The following TRPM2 variants were observed in gnomAD, a reference collection of about 807,000 sequenced individuals.
The protein encoded by TRPM2 is estrogen-responsive element-associated gene 1 protein.
Under a neutral mutation model 174.0 loss-of-function variants are expected in TRPM2, and 161 were observed. The ratio of observed to expected loss-of-function variants is 0.93; its 90% CI spans 0.81 to 1.05. The LOEUF (loss-of-function observed/expected upper bound fraction) is 1.05. Ranked by LOEUF, TRPM2 falls within the 50% of genes least tolerant of loss-of-function variation. TRPM2 has a pLI of 0.00. For synonymous variants in TRPM2, 954 were observed against 861.3 expected, an observed-to-expected ratio of 1.11 and a Z score of -1.88; for missense variants, 2,057 against 2,038.0, an observed-to-expected ratio of 1.01 and a Z score of -0.18.
At chr21:44,352,472 G>C (rs2123001688), upstream of TRPM2, among the ~76,000 whole-genome samples, 3 of 152,356 alleles carry the variant, frequency 2.0e-5, no homozygotes, top group Non-Finnish European at 4.4e-5. Flanking sequence ...ATGAGGGGAC[G>C]GCAGAGCAAA....
intron 12 of TRPM2, among the ~76,000 whole-genome samples, chr21:44,397,501 G>A (rs1346607428): frequency 1.3e-5 from 2 of 152,182 alleles, no homozygotes; most frequent in Admixed American, 6.5e-5. Context: ...CGTGCTGTCC[G>A]TCAGGCTTTG....
intron 9 of TRPM2, among the ~76,000 whole-genome samples, chr21:44,384,100 A>G (rs976864082): frequency 1.3e-5 from 2 of 152,234 alleles, no homozygotes; most frequent in Admixed American, 6.5e-5. Context: ...AAATTGACAC[A>G]CATTTAGCTA....
At chr21:44,352,655 T>G (rs1302125338), upstream of TRPM2, among the ~76,000 whole-genome samples, 1 of 152,174 alleles carries the variant, frequency 6.6e-6, no homozygotes, top group African/African-American at 2.4e-5. Context: ...ATGAGAACAC[T>G]GTGGGTGTCA....
chr21:44,421,109 G>A (rs2050532417), intron 22 of TRPM2, among the ~76,000 whole-genome samples: 1 of 152,100 alleles, frequency 6.6e-6, no homozygotes, highest in Non-Finnish European at 1.5e-5. Context: ...CACAAGGTTA[G>A]GAGATCAAGA....
intron 27 of TRPM2, among the ~76,000 whole-genome samples, chr21:44,434,307 A>G (rs9979365): frequency 0.013 from 1,858 of 139,468 alleles, 38 homozygotes; most frequent in African/African-American, 0.047. Flanking sequence ...ATGGTGACGG[A>G]GACTGTGGCG....
At position 44,366,115 on chromosome 21, in the gene TRPM2, G is replaced by A. The variant is rs922339073; in HGVS notation, c.424-639G>A. Among the ~76,000 whole-genome samples, 2 of 152,204 alleles carry A rather than the reference G, an allele frequency of 1.3e-5. No homozygotes were observed. The highest frequency in any genetic ancestry group is 2.4e-5 in the African/African-American group (1 of 41,446). ...CAGGGAAAGTCCGCTGTGTACTTGG[G>A]AGGGTCTCCTGGAGGACGGGGGGCC... On this transcript the variant is annotated intron_variant, in intron 3 of 31. Coordinates refer to ENST00000397928, the MANE Select transcript of TRPM2 (RefSeq NM_003307.4). The surrounding 1 kb of genome is among the most constrained non-coding windows in gnomAD (Gnocchi z 6.0).
chr21:44,404,347 TACATGCAGACACATACA>T (rs1455935073), intron 16 of TRPM2, among the ~76,000 whole-genome samples: 2 of 151,412 alleles, frequency 1.3e-5, no homozygotes, highest in Non-Finnish European at 2.9e-5. Context: ...CACATACAAA[TACATGCAGACACATACA>T]GAATGCACAC....
At chr21:44,402,743 T>C (rs990843602) in intron 16 of TRPM2, among the ~76,000 whole-genome samples, 18 of 152,152 alleles carry the variant, frequency 1.2e-4, no homozygotes, top group Non-Finnish European at 4.4e-5. Context: ...GCGAATCCCT[T>C]ACTGTGTGGG....
chr21:44,357,555 C>T (rs1215888418), intron 2 of TRPM2, among the ~76,000 whole-genome samples: 1 of 152,204 alleles, frequency 6.6e-6, no homozygotes, highest in Non-Finnish European at 1.5e-5. Flanking sequence ...CATGCATGCT[C>T]CTTCCTCTAG....
chr21:44,393,171 T>C (rs2049238079), intron 11 of TRPM2, among the ~76,000 whole-genome samples: 1 of 152,158 alleles, frequency 6.6e-6, no homozygotes, highest in African/African-American at 2.4e-5. Context: ...TGTTTACCCT[T>C]TTTCAGTGGG....
At chr21:44,406,077 C>G in intron 18 of TRPM2, 40 bp downstream of exon 18, 1 of 1,597,072 alleles carries the variant, frequency 6.3e-7, no homozygotes, top group South Asian at 1.1e-5. Context: ...CGGCCTGCAG[C>G]CCAGGGTGGG....
intron 11 of TRPM2, among the ~76,000 whole-genome samples, chr21:44,394,188 A>G (rs1216163229): frequency 6.6e-6 from 1 of 151,800 alleles, no homozygotes; most frequent in African/African-American, 2.4e-5. Context: ...TTGGTTTTAT[A>G]CATTCACGAT....
chr21:44,435,272 C>T (rs1424525077), intron 28 of TRPM2, 55 bp downstream of exon 28: 3 of 1,578,522 alleles, frequency 1.9e-6, no homozygotes, highest in Non-Finnish European at 2.6e-6. Flanking sequence ...ACCCCACCTT[C>T]ACAAGGGGCG....
Position 44,379,177 on chromosome 21 carries a change from AT to A in TRPM2, c.1197del (p.Ile399MetfsTer18), listed in dbSNP as rs1278659959. On this transcript the variant is annotated frameshift_variant, in exon 8 of 32. Transcript: ENST00000397928. LOFTEE classifies it high-confidence loss of function. ...GTTTGAGACCTTCACGGAAAGCAGG[AT>A]TGTCGAGTGGACCAAAAAGGTGAGG... is the stretch of plus-strand genomic sequence containing the variant. ...EMFETFTESR[I>X]VEWTKKIQDI... 6.2e-7 allele frequency: 1 copy of A among 1,613,226 alleles called. No homozygotes were observed. The highest frequency in any genetic ancestry group is 1.3e-5 in the African/African-American group (1 of 75,058).
intron 30 of TRPM2, 35 bp from the exon 31 acceptor site, chr21:44,440,754 C>G: frequency 6.3e-7 from 1 of 1,595,166 alleles, no homozygotes; most frequent in African/African-American, 1.3e-5. Flanking sequence ...TCAGGTGTCC[C>G]TCGCTGTCGG....
At chr21:44,350,423 G>C (rs552830172), upstream of TRPM2, 1 of 150,772 alleles carries the variant, frequency 6.6e-6, no homozygotes, top group Non-Finnish European at 1.5e-5. Flanking sequence ...TGCGGGGACC[G>C]AGGCGGCCGG....
chr21:44,406,876 G>C (rs538913065), intron 19 of TRPM2, 111 bp downstream of exon 19: 1 of 1,364,396 alleles, frequency 7.3e-7, no homozygotes, highest in African/African-American at 1.5e-5. Context: ...GGGGTCCTGC[G>C]GTTCCCACCT....
chr21:44,376,794 G>A lies in TRPM2; in HGVS notation c.952+781G>A, dbSNP rs186224685. On this transcript the variant is annotated intron_variant, in intron 6 of 31. Transcript: ENST00000397928. The surrounding 1 kb of genome is among the most constrained non-coding windows in gnomAD (Gnocchi z 4.2). ...TCCCTTGCAGGGTTCCTTGTGCATC[G>A]AACTCCCCTGGAGGGTTCCTCACCA... Among the ~76,000 whole-genome samples, 448 of 152,258 alleles carry A rather than the reference G, an allele frequency of 2.9e-3. 1 individual carries two copies. The highest frequency in any genetic ancestry group is 9.9e-3 in the African/African-American group (412 of 41,546).
rs780450477 is a variant in TRPM2 at position 44,400,373 on chromosome 21, T to A, written c.2321+2T>A. 55 of 1,609,576 alleles carry A rather than the reference T, an allele frequency of 3.4e-5. No individual in the cohort carries two copies. The highest frequency in any genetic ancestry group is 4.5e-5 in the Non-Finnish European group (53 of 1,178,978). ...CCTCACCGGCCTCATCTCCTTCAGG[T>A]GCTGCAGGGCTGCGGGGCTGCGGGA... On this transcript the variant is annotated splice_donor_variant, in intron 15 of 31. Transcript: ENST00000397928. LOFTEE classifies it high-confidence loss of function.
Sources: allele counts gnomAD v4.1 joint callset (sites outside exome capture counted in the v4.1 genomes callset), GRCh38; gene constraint gnomAD v4.1.1; non-coding constraint Gnocchi (gnomAD v3.1); transcripts MANE v1.5; gene names NCBI Gene and HGNC (gene_info 2026-07-23, HGNC 2026-07-21).